MSS51: variants seen among roughly 807,000 people sequenced by gnomAD.
MSS51 encodes the protein MSS51 mitochondrial translational activator.
Under a neutral mutation model 40.2 loss-of-function variants are expected in MSS51, and 32 were observed. The observed-to-expected ratio is 0.80, with a 90% confidence interval of 0.60 to 1.07. The LOEUF (loss-of-function observed/expected upper bound fraction) is 1.07. MSS51 is among the 50% of genes least tolerant of loss of function. MSS51 has a pLI of 0.00. For missense variants in MSS51, 518 were observed against 568.9 expected (o/e 0.91, Z 0.91); for synonymous variants, 178 against 214.2 (o/e 0.83, Z 1.48).
chr10:73,427,510 T>C (rs1589674811), intron 3 of MSS51, 103 bp downstream of exon 3: 1 of 1,289,250 alleles, frequency 7.8e-7, no homozygotes, highest in Non-Finnish European at 1.1e-6. Flanking sequence ...GTGATCCACC[T>C]GCCTCGGCCT....
In MSS51 at chr10:73,428,055, G is replaced by A. The variant is rs1421519821; in HGVS notation, c.221+9C>T. 5 of 1,611,982 alleles carry A rather than the reference G, an allele frequency of 3.1e-6. No individual in the cohort carries two copies. Among genetic ancestry groups the A allele is most frequent in the Middle Eastern group, 3.3e-4 (2 of 6,084 alleles). On this transcript the variant is annotated intron_variant, in intron 2 of 6. Coordinates refer to ENST00000299432, the MANE Select transcript of MSS51 (RefSeq NM_001024593.2). ...AATATATCCCTTTTCCATAGAGCTG[G>A]TCACTCACTTATATTCTTCATAGCT...
At chr10:73,424,966 T>C in intron 6 of MSS51, 132 bp downstream of exon 6, 3 of 837,298 alleles carry the variant, frequency 3.6e-6, no homozygotes, top group South Asian at 1.5e-5. Flanking sequence ...TCCAAGGGGA[T>C]AAAAAAGCCA....
rs758958955 is a variant in MSS51 at position 73,427,775 on chromosome 10, A to T, written c.222-7T>A. 3 of 1,613,456 alleles carry T rather than the reference A, an allele frequency of 1.9e-6. No individual in the cohort carries two copies. The highest frequency in any genetic ancestry group is 1.7e-5 in the Admixed American group (1 of 59,944). ...ACCCCCATCTACCACCAACCTGCAG[A>T]GACAGCATGGAGAAGGAATGACAAT... On this transcript the variant is annotated splice_region_variant and splice_polypyrimidine_tract_variant and intron_variant, in intron 2 of 6. Transcript: ENST00000299432.
At chr10:73,430,983 GGAACTTCAAAAAACATTATACTAAGTGAA>G (rs1344179287) in intron 1 of MSS51, among the ~76,000 whole-genome samples, 1 of 152,150 alleles carries the variant, frequency 6.6e-6, no homozygotes, top group African/African-American at 2.4e-5. Context: ...ACAATGTAGA[GGAACTTCAAAAAACATTATACTAAGTGAA>G]GAAAGCCAGA....
intron 1 of MSS51, among the ~76,000 whole-genome samples, chr10:73,431,680 C>T (rs1012394494): frequency 2.0e-5 from 3 of 152,194 alleles, no homozygotes; most frequent in Non-Finnish European, 4.4e-5. Context: ...ATCTCCTCAT[C>T]CTTATGTTTC....
intron 1 of MSS51, among the ~76,000 whole-genome samples, 152 bp downstream of exon 1, chr10:73,433,361 G>A (rs1471129453): frequency 6.6e-6 from 1 of 152,044 alleles, no homozygotes; most frequent in African/African-American, 2.4e-5. Flanking sequence ...CTTATAAGGG[G>A]GTAGGAAAAG....
Position 73,424,751 on chromosome 10 carries a change from A to G in MSS51, c.1185T>C (p.Ser395=). Residue 395 remains serine (S), a synonymous_variant, in exon 7 of 7, where the codon TCT becomes TCC. Transcript: ENST00000299432. The part of the protein sequence containing the change: ...TVYSHQELVS[S]LQILVELDTH... ...TATCCAGTTCCACCAGAATCTGCAA[A>G]GAGGATACCAACTCCTGATGGCTGT... 1 of 1,613,970 alleles carries G rather than the reference A, an allele frequency of 6.2e-7. No homozygotes were observed. The highest frequency in any genetic ancestry group is 1.1e-5 in the South Asian group (1 of 91,084).
At chr10:73,430,104 G>A (rs1413159979) in intron 1 of MSS51, among the ~76,000 whole-genome samples, 2 of 152,118 alleles carry the variant, frequency 1.3e-5, no homozygotes, top group African/African-American at 4.8e-5. Context: ...GAAATAGAAT[G>A]ACTCGAGTTT....
At chr10:73,428,527 C>T (rs2056006480) in intron 1 of MSS51, among the ~76,000 whole-genome samples, 1 of 152,134 alleles carries the variant, frequency 6.6e-6, no homozygotes, top group South Asian at 2.1e-4. Flanking sequence ...GAGTCTTGCT[C>T]TGCCGCCCAG....
chr10:73,424,201 A>G lies in MSS51; in HGVS notation c.*352T>C, dbSNP rs2055963678. 1 of 236,342 alleles carries G rather than the reference A, an allele frequency of 4.2e-6. No individual in the cohort carries two copies. The highest frequency in any genetic ancestry group is 8.4e-6 in the Non-Finnish European group (1 of 118,344). The allele number at this position is 236,342 out of a possible 1,614,324, so 14.6% of individuals were successfully genotyped here. On this transcript the variant is annotated 3_prime_UTR_variant, in exon 7 of 7. Transcript: ENST00000299432. The stretch of plus-strand genomic sequence containing the variant: ...TGATACGAGCCTGGCCAACATGGTG[A>G]AACCCTGTCTGCTAAAAATACAAAA...
chr10:73,427,732 A>G lies in MSS51; in HGVS notation c.258T>C (p.Phe86=). The change falls in exon 3 of 7, where the codon TTT becomes TTC. Residue 86 remains phenylalanine (F), a synonymous_variant. Transcript: ENST00000299432. The part of the protein sequence containing the change: ...VVDGGTPVSG[F]GFRCPQEMFQ... ...ACATTTCTTGAGGACATCGAAATCC[A>G]AAGCCTGATACGGGGGTACCCCCAT... is the stretch of plus-strand genomic sequence containing the variant. 1 of 1,614,222 alleles carries G rather than the reference A, an allele frequency of 6.2e-7. No homozygotes were observed. The highest frequency in any genetic ancestry group is 8.5e-7 in the Non-Finnish European group (1 of 1,180,028).
At chr10:73,430,525 C>T (rs886490809) in intron 1 of MSS51, among the ~76,000 whole-genome samples, 2 of 151,202 alleles carry the variant, frequency 1.3e-5, no homozygotes, top group East Asian at 3.9e-4. Context: ...AAAATATGCT[C>T]AATAGTCATT....
intron 5 of MSS51, 50 bp from the exon 6 acceptor site, chr10:73,425,241 T>A: frequency 8.1e-7 from 1 of 1,238,084 alleles, no homozygotes; most frequent in Non-Finnish European, 1.1e-6. Context: ...AAGCAGACCC[T>A]AAGAGCAAGA....
intron 5 of MSS51, among the ~76,000 whole-genome samples, chr10:73,425,396 T>A (rs1053996761): frequency 6.6e-6 from 1 of 152,092 alleles, no homozygotes; most frequent in Non-Finnish European, 1.5e-5. Flanking sequence ...GTCATCAGGC[T>A]GGGCGCGGTG....
At position 73,423,685 on chromosome 10, in the gene MSS51, C is replaced by T. The variant is rs548446425; in HGVS notation, c.*868G>A. On this transcript the variant is annotated 3_prime_UTR_variant, in exon 7 of 7. Coordinates refer to ENST00000299432, the MANE Select transcript of MSS51 (RefSeq NM_001024593.2). ...ATAGCTTGGGATATCTAAAATATAA[C>T]ACCAGGGCTACTCTAGGGTCAAAAG... is the stretch of plus-strand genomic sequence containing the variant. The T allele has an allele frequency of 5.9e-5, 9 of 152,256 alleles. No individual in the cohort carries two copies. Among genetic ancestry groups the T allele is most frequent in the African/African-American group, 2.2e-4 (9 of 41,552 alleles). 9.4% of individuals were successfully genotyped at this position (152,256 alleles called of 1,614,324 possible). A position where few individuals can be genotyped will look rare whatever the true frequency, so the allele number is the denominator to read the frequency against.
chr10:73,426,684 C>T lies in MSS51; in HGVS notation c.425G>A (p.Trp142Ter). The T allele has an allele frequency of 6.2e-7, 1 of 1,614,160 alleles. No homozygotes were observed. Among genetic ancestry groups the T allele is most frequent in the Non-Finnish European group, 8.5e-7 (1 of 1,180,030 alleles). Residue 142 changes from tryptophan to a stop codon, truncating the protein, a stop_gained, in exon 4 of 7, where the codon TGG becomes TAG. Coordinates refer to ENST00000299432, the MANE Select transcript of MSS51 (RefSeq NM_001024593.2). LOFTEE classifies it high-confidence loss of function. ...YCGPECQKSD[W>*]PAHRRVCQEL... The stretch of plus-strand genomic sequence containing the variant: ...TTGACAAACCCTCCTGTGTGCGGGC[C>T]AGTCTGACTTCTGGCACTCTGGACC...
At position 73,424,787 on chromosome 10, in the gene MSS51, G is replaced by C. The variant is rs773915983; in HGVS notation, c.1164-15C>G. The C allele has an allele frequency of 3.1e-6, 5 of 1,594,546 alleles. No homozygotes were observed. Among genetic ancestry groups the C allele is most frequent in the Non-Finnish European group, 4.3e-6 (5 of 1,162,464 alleles). ...ACTCCTGATGGCTGTAGAAGAGAGA[G>C]AAGAAAAATTACTCTACTGATTGTG... On this transcript the variant is annotated splice_polypyrimidine_tract_variant and intron_variant, in intron 6 of 6. Coordinates refer to ENST00000299432, the MANE Select transcript of MSS51 (RefSeq NM_001024593.2).
At chr10:73,431,247 T>C (rs1048486737) in intron 1 of MSS51, among the ~76,000 whole-genome samples, 1 of 152,174 alleles carries the variant, frequency 6.6e-6, no homozygotes, top group Non-Finnish European at 1.5e-5. Flanking sequence ...TAAATGCCAT[T>C]TAATTGCTCA....
chr10:73,427,937 G>A (rs1034542114), intron 2 of MSS51, 127 bp downstream of exon 2: 10 of 1,192,946 alleles, frequency 8.4e-6, no homozygotes, highest in Non-Finnish European at 1.1e-5. Context: ...ATAGTAACTG[G>A]CAAAAGGATG....
Sources: gnomAD v4.1 joint callset for allele counts (sites outside exome capture counted in the v4.1 genomes callset) on GRCh38, gnomAD v4.1.1 for gene constraint, MANE v1.5 for transcripts, NCBI Gene and HGNC (gene_info 2026-07-23, HGNC 2026-07-21) for gene names.